The following CDH12 variants were observed in gnomAD, a reference collection of about 807,000 sequenced individuals.
CDH12 encodes cadherin-12.
CDH12 carries 41 observed loss-of-function variants against 74.1 expected under a neutral mutation model. The ratio of observed to expected loss-of-function variants is 0.55; its 90% CI spans 0.43 to 0.72. The LOEUF (loss-of-function observed/expected upper bound fraction) is 0.72, where lower values mean the gene tolerates loss of function less well. Ranked by LOEUF, CDH12 falls within the 30% of genes least tolerant of loss-of-function variation. CDH12 has a pLI of 0.00. For synonymous variants in CDH12, 399 were observed against 355.0 expected, an observed-to-expected ratio of 1.12 and a Z score of -1.39; for missense variants, 945 against 977.2, an observed-to-expected ratio of 0.97 and a Z score of 0.44.
At chr5:22,669,901 G>C (rs1261841850) in intron 1 of CDH12, among the ~76,000 whole-genome samples, 1 of 119,148 alleles carries the variant, frequency 8.4e-6, no homozygotes, top group African/African-American at 3.5e-5. Flanking sequence ...TCAAAACTAT[G>C]AAGTAGTGAG....
intron 6 of CDH12, among the ~76,000 whole-genome samples, chr5:21,931,704 C>A (rs928513396): frequency 6.6e-6 from 1 of 152,168 alleles, no homozygotes; most frequent in South Asian, 2.1e-4. Context: ...TCATAATGCA[C>A]TAATTCCAAA....
intron 11 of CDH12, 96 bp downstream of exon 11, chr5:21,783,262 G>A: frequency 9.1e-7 from 1 of 1,093,442 alleles, no homozygotes; most frequent in Non-Finnish European, 1.3e-6. Context: ...TCAGCTGTCA[G>A]TCCAAAAATG....
intron 4 of CDH12, among the ~76,000 whole-genome samples, chr5:22,093,117 G>C (rs1229464093): frequency 6.6e-6 from 1 of 152,218 alleles, no homozygotes; most frequent in Admixed American, 6.5e-5. Context: ...AGCATGGTCA[G>C]GTGTCTCTGG....
chr5:22,626,434 C>T (rs1738302504), intron 1 of CDH12, among the ~76,000 whole-genome samples: 2 of 152,082 alleles, frequency 1.3e-5, no homozygotes, highest in Admixed American at 6.6e-5. Flanking sequence ...AAGCTGGGGC[C>T]TGGTACCAGA....
At chr5:22,026,416 G>C (rs181514797) in intron 5 of CDH12, among the ~76,000 whole-genome samples, 13 of 152,186 alleles carry the variant, frequency 8.5e-5, no homozygotes, top group Middle Eastern at 3.4e-3. Context: ...CTAACCCTTG[G>C]TTTCGTTATG....
intron 1 of CDH12, among the ~76,000 whole-genome samples, chr5:22,652,741 GTGTA>G (rs1277244090): frequency 1.3e-5 from 2 of 152,260 alleles, no homozygotes; most frequent in South Asian, 2.1e-4. Context: ...ATTCTCACAA[GTGTA>G]TGTGTTTGCA....
chr5:22,805,387 G>A (rs1356378485), intron 1 of CDH12, among the ~76,000 whole-genome samples: 4 of 151,798 alleles, frequency 2.6e-5, no homozygotes, highest in Non-Finnish European at 4.4e-5. Context: ...ACACATAAGA[G>A]TGAAATAAAT....
At position 22,226,776 on chromosome 5, in the gene CDH12, A is replaced by T. The variant is rs1454841508; in HGVS notation, c.-332-14133T>A. On this transcript the variant is annotated intron_variant, in intron 3 of 14. Transcript: ENST00000382254. The stretch of plus-strand genomic sequence containing the variant: ...ACATTTTCTTTCTTGTTGTATCACA[A>T]ATGTTTAGCATAGTATCCAGCACAT... Among the ~76,000 whole-genome samples, 3 of 152,120 alleles carry T rather than the reference A, an allele frequency of 2.0e-5. No individual in the cohort carries two copies. The East Asian group carries it at 5.8e-4, about 29-fold the overall frequency.
At chr5:22,545,148 A>C (rs1393202480) in intron 1 of CDH12, among the ~76,000 whole-genome samples, 2 of 152,168 alleles carry the variant, frequency 1.3e-5, no homozygotes, top group African/African-American at 4.8e-5. Context: ...CTAAACCTGA[A>C]TTTATTATGT....
At chr5:21,944,705 T>A (rs982317531) in intron 6 of CDH12, among the ~76,000 whole-genome samples, 1 of 152,184 alleles carries the variant, frequency 6.6e-6, no homozygotes, top group Admixed American at 6.5e-5. Context: ...AACCAAGTGG[T>A]ATGAGTTGGC....
At chr5:22,666,385 G>A (rs1048997384) in intron 1 of CDH12, among the ~76,000 whole-genome samples, 20 of 148,072 alleles carry the variant, frequency 1.4e-4, no homozygotes, top group Non-Finnish European at 1.9e-4. Context: ...CGCCTCCCGG[G>A]TTCACGCCAT....
At chr5:22,508,275 C>A (rs1212392976) in intron 1 of CDH12, among the ~76,000 whole-genome samples, 1 of 152,076 alleles carries the variant, frequency 6.6e-6, no homozygotes, top group African/African-American at 2.4e-5. Context: ...AGAGTCATCC[C>A]CTACAAACCA....
chr5:22,378,378 G>T (rs1368131324), intron 3 of CDH12, among the ~76,000 whole-genome samples: 1 of 151,986 alleles, frequency 6.6e-6, no homozygotes, highest in Non-Finnish European at 1.5e-5. Context: ...TTTTGGTTTG[G>T]TTAATGATGA....
At chr5:22,429,312 C>T (rs1426427433) in intron 2 of CDH12, among the ~76,000 whole-genome samples, 2 of 151,462 alleles carry the variant, frequency 1.3e-5, no homozygotes, top group East Asian at 3.9e-4. Flanking sequence ...TGTTTTTTTG[C>T]ATTTTTTTTA....
intron 5 of CDH12, among the ~76,000 whole-genome samples, chr5:22,054,020 CACG>C (rs1446429634): frequency 2.0e-5 from 3 of 151,962 alleles, no homozygotes; most frequent in African/African-American, 7.2e-5. Flanking sequence ...AGTTGAAGAA[CACG>C]ACTTGTTTTT....
At chr5:22,746,364 A>G (rs1664446085) in intron 1 of CDH12, among the ~76,000 whole-genome samples, 1 of 152,170 alleles carries the variant, frequency 6.6e-6, no homozygotes, top group Admixed American at 6.5e-5. Flanking sequence ...CTTTCTACTA[A>G]TGAGTAGTGC....
chr5:22,815,839 G>A (rs1749370078), intron 1 of CDH12, among the ~76,000 whole-genome samples: 1 of 150,606 alleles, frequency 6.6e-6, no homozygotes, highest in Non-Finnish European at 1.5e-5. Flanking sequence ...GTGAAAGAGA[G>A]CCTCTAAGGG....
At chr5:22,695,186 T>A (rs1215923520) in intron 1 of CDH12, among the ~76,000 whole-genome samples, 1 of 152,190 alleles carries the variant, frequency 6.6e-6, no homozygotes, top group African/African-American at 2.4e-5. Context: ...TTTTTATGGC[T>A]GCATAGTATC....
At chr5:22,297,660 T>C (rs1250770277) in intron 3 of CDH12, among the ~76,000 whole-genome samples, 2 of 152,186 alleles carry the variant, frequency 1.3e-5, no homozygotes, top group African/African-American at 4.8e-5. Flanking sequence ...ATGAAGTACA[T>C]TCAATGGGAT....
Sources: gnomAD v4.1 joint callset for allele counts (sites outside exome capture counted in the v4.1 genomes callset) on GRCh38, gnomAD v4.1.1 for gene constraint, MANE v1.5 for transcripts, NCBI Gene and HGNC (gene_info 2026-07-23, HGNC 2026-07-21) for gene names.